The following TRPA1 variants were observed in gnomAD, a reference collection of about 807,000 sequenced individuals.
TRPA1 encodes the protein transient receptor potential cation channel subfamily A member 1.
In TRPA1, 129 loss-of-function variants were observed where a neutral mutation model predicts 131.3. The observed-to-expected ratio is 0.98, with a 90% CI of 0.85 to 1.14. The LOEUF (loss-of-function observed/expected upper bound fraction) is 1.14. Among genes scored for constraint, TRPA1 ranks in the 50% most tolerant of loss-of-function variants. The pLI, the probability that TRPA1 is intolerant of heterozygous loss-of-function variation, is 0.00. For missense variants in TRPA1, 1,304 were observed against 1,354.2 expected, an observed-to-expected ratio of 0.96 and a Z score of 0.58; for synonymous variants, 441 against 451.7, an observed-to-expected ratio of 0.98 and a Z score of 0.30.
chr8:72,024,217 C>T (rs1218917291), intron 25 of TRPA1, among the ~76,000 whole-genome samples: 1 of 152,186 alleles, frequency 6.6e-6, no homozygotes, highest in East Asian at 1.9e-4. Context: ...AAATGCCCAT[C>T]ACGGAAGGTG....
At chr8:72,023,604 G>T (rs959974) in intron 26 of TRPA1, 248,653 of 496,496 alleles carry the variant, frequency 0.5, 64,268 homozygotes, top group East Asian at 0.79. Context: ...ATTCACTTAT[G>T]ATTGGAAGGC....
upstream of TRPA1, among the ~76,000 whole-genome samples, chr8:72,078,553 T>A (rs1465050844): frequency 6.6e-6 from 1 of 152,068 alleles, no homozygotes; most frequent in African/African-American, 2.4e-5. Flanking sequence ...ATAATACACT[T>A]GAGATTAACC....
chr8:72,060,899 G>A (rs1459073309), intron 7 of TRPA1, among the ~76,000 whole-genome samples: 3 of 150,548 alleles, frequency 2.0e-5, no homozygotes, highest in Admixed American at 6.6e-5. Flanking sequence ...AGAATTCCAG[G>A]TCCAGTTGCC....
At chr8:72,083,029 T>C in the TRPA1 span, among the ~76,000 whole-genome samples, 4 of 152,082 alleles carry the variant, frequency 2.6e-5, no homozygotes, top group African/African-American at 9.6e-5. Context: ...TTTATCTGTC[T>C]TCAAGTTTAC....
At chr8:72,040,665 T>C (rs1812223291) in intron 17 of TRPA1, among the ~76,000 whole-genome samples, 1 of 152,038 alleles carries the variant, frequency 6.6e-6, no homozygotes, top group Non-Finnish European at 1.5e-5. Flanking sequence ...CTGACATGAA[T>C]GGGTCTCAGG....
At chr8:72,070,818 C>T (rs1806043209) in intron 2 of TRPA1, among the ~76,000 whole-genome samples, 1 of 152,146 alleles carries the variant, frequency 6.6e-6, no homozygotes, top group East Asian at 1.9e-4. Flanking sequence ...TAGGGCAGGC[C>T]CTTTCCTTCT....
rs202079395 is a variant in TRPA1 at position 72,039,057 on chromosome 8, G to A, written c.2133-30C>T. 24 of 1,609,214 alleles carry A rather than the reference G, an allele frequency of 1.5e-5. No individual in the cohort carries two copies. In the African/African-American group the frequency reaches 1.9e-4, roughly 13 times the overall value. ...AAAAATATAAGCAAACCAGAATTGA[G>A]TCATTTCAAACAAAAATATTTACTT... is the stretch of plus-strand genomic sequence containing the variant. On this transcript the variant is annotated intron_variant, in intron 18 of 26. Coordinates refer to ENST00000262209, the MANE Select transcript of TRPA1 (RefSeq NM_007332.3).
intron 17 of TRPA1, among the ~76,000 whole-genome samples, 153 bp from the exon 18 acceptor site, chr8:72,039,950 G>T (rs2044272): frequency 6.6e-6 from 1 of 151,756 alleles, no homozygotes; most frequent in Admixed American, 6.6e-5. Flanking sequence ...TTAGATCAAG[G>T]TTTTAAAAAA....
intron 19 of TRPA1, 80 bp from the exon 20 acceptor site, chr8:72,038,152 TTC>T (rs1812119112): frequency 5.1e-6 from 4 of 783,302 alleles, no homozygotes; most frequent in South Asian, 1.7e-5. Flanking sequence ...ACTATTAAAT[TTC>T]TTTTTTCTTT....
At chr8:72,072,480 G>A (rs932406673) in intron 1 of TRPA1, among the ~76,000 whole-genome samples, 5 of 152,086 alleles carry the variant, frequency 3.3e-5, no homozygotes, top group Admixed American at 2.0e-4. Context: ...ACTCTTCTAT[G>A]GTAGTCTCTT....
At chr8:72,057,676 G>T in intron 9 of TRPA1, 41 bp downstream of exon 9, 1 of 1,450,846 alleles carries the variant, frequency 6.9e-7, no homozygotes, top group South Asian at 1.1e-5. Context: ...CAACCAAATT[G>T]AGTGGCACTT....
intron 17 of TRPA1, among the ~76,000 whole-genome samples, chr8:72,043,007 C>T (rs554026070): frequency 6.6e-6 from 1 of 151,960 alleles, no homozygotes; most frequent in South Asian, 2.1e-4. Flanking sequence ...AAATACTTGA[C>T]ACTACTGAAC....
At chr8:72,078,837 A>G (rs73294674), upstream of TRPA1, among the ~76,000 whole-genome samples, 5,825 of 152,040 alleles carry the variant, frequency 0.038, 372 homozygotes, top group African/African-American at 0.13. Flanking sequence ...ATGCCTAATT[A>G]CCTTCCAAAG....
intron 15 of TRPA1, among the ~76,000 whole-genome samples, chr8:72,047,466 A>C (rs1180937356): frequency 6.6e-6 from 1 of 152,132 alleles, no homozygotes; most frequent in Non-Finnish European, 1.5e-5. Context: ...GCATGTACTA[A>C]AATCTAGGCA....
intron 25 of TRPA1, 150 bp from the exon 26 acceptor site, chr8:72,024,061 AC>A (rs1188029932): frequency 5.8e-5 from 36 of 623,344 alleles, no homozygotes; most frequent in Non-Finnish European, 9.9e-5. Context: ...GGAGAAAGAG[AC>A]ATGTGAAGAA....
At position 72,026,163 on chromosome 8, in the gene TRPA1, T is replaced by C. The variant is rs1585832908; in HGVS notation, c.2938-90A>G. 6 of 1,005,996 alleles carry C rather than the reference T, an allele frequency of 6.0e-6. No individual in the cohort carries two copies. In the East Asian group the frequency reaches 1.5e-4, roughly 25 times the overall value. The allele number at this position is 1,005,996 out of a possible 1,614,324, so 62.3% of individuals were successfully genotyped here. ...AGAGGCAATCATTAATACAGCAAAATGAAAACTGATTTCTATGTCCTGACT... is the reference window on the plus strand; with the variant it reads ...AGAGGCAATCATTAATACAGCAAAACGAAAACTGATTTCTATGTCCTGACT... On this transcript the variant is annotated intron_variant, in intron 24 of 26. Transcript: ENST00000262209.
intron 20 of TRPA1, among the ~76,000 whole-genome samples, 182 bp from the exon 21 acceptor site, chr8:72,036,639 T>C (rs1024909225): frequency 2.0e-5 from 3 of 152,134 alleles, no homozygotes; most frequent in African/African-American, 7.2e-5. Flanking sequence ...TATGAATCGG[T>C]GTTGGAGATG....
chr8:72,050,000 G>A (rs1805457920), intron 15 of TRPA1, among the ~76,000 whole-genome samples: 1 of 151,770 alleles, frequency 6.6e-6, no homozygotes, highest in African/African-American at 2.4e-5. Context: ...CAACGTGCAG[G>A]TTTGTTACAT....
At chr8:72,087,969 C>T in the TRPA1 span, among the ~76,000 whole-genome samples, 1 of 152,222 alleles carries the variant, frequency 6.6e-6, no homozygotes, top group Non-Finnish European at 1.5e-5. Flanking sequence ...CCTTGTCCTT[C>T]CTGGAGCATT....
Sources: allele counts gnomAD v4.1 joint callset (sites outside exome capture counted in the v4.1 genomes callset), GRCh38; gene constraint gnomAD v4.1.1; transcripts MANE v1.5; gene names NCBI Gene and HGNC (gene_info 2026-07-23, HGNC 2026-07-21).